Variants in RIPOR2 observed in about 807,000 individuals in gnomAD.
RIPOR2 encodes RHO family interacting cell polarization regulator 2, also known as rho family-interacting cell polarization regulator 2.
RIPOR2 carries 39 observed loss-of-function variants against 114.5 expected under a neutral mutation model. The observed-to-expected ratio is 0.34, with a 90% CI of 0.26 to 0.44. The LOEUF is 0.44. RIPOR2 is among the 20% of genes least tolerant of loss of function. The pLI, the probability that RIPOR2 is intolerant of heterozygous loss-of-function variation, is 1.00. For synonymous variants in RIPOR2, 445 were observed against 484.4 expected, an observed-to-expected ratio of 0.92 and a Z score of 1.07; for missense variants, 1,007 against 1,255.1, an observed-to-expected ratio of 0.80 and a Z score of 2.99.
At chr6:24,808,251 G>A (rs889603068) in intron 21 of RIPOR2, among the ~76,000 whole-genome samples, 1 of 152,146 alleles carries the variant, frequency 6.6e-6, no homozygotes, top group Admixed American at 6.6e-5. Context: ...GAGGCCCGGG[G>A]CACATTCTGT....
chr6:25,003,943 T>C (rs1012314709), intron 1 of RIPOR2, among the ~76,000 whole-genome samples: 1 of 152,222 alleles, frequency 6.6e-6, no homozygotes, highest in Non-Finnish European at 1.5e-5. Context: ...TCTTCTTTCA[T>C]TTGTCATGTC....
chr6:25,023,575 C>T, intron 1 of RIPOR2: 1 of 770,740 alleles, frequency 1.3e-6, no homozygotes. Context: ...TGATTTTGCA[C>T]ACCTCCCAGT....
chr6:24,977,356 G>A (rs377492850), intron 1 of RIPOR2, among the ~76,000 whole-genome samples: 2 of 151,676 alleles, frequency 1.3e-5, no homozygotes, highest in Non-Finnish European at 2.9e-5. Context: ...CTAAAAGGTC[G>A]ACAGGACTAT....
intron 13 of RIPOR2, chr6:24,840,297 T>G: frequency 9.6e-7 from 1 of 1,043,024 alleles, no homozygotes; most frequent in Non-Finnish European, 1.2e-6. Flanking sequence ...GCCTTGGGCA[T>G]GACAAGAAGC....
chr6:24,948,259 G>A (rs762706903), intron 1 of RIPOR2: 3 of 152,140 alleles, frequency 2.0e-5, no homozygotes, highest in East Asian at 1.9e-4. Context: ...GGAAAACTTC[G>A]ATTCCTGGAT....
chr6:24,895,544 G>T (rs964653062), intron 1 of RIPOR2, among the ~76,000 whole-genome samples: 2 of 152,100 alleles, frequency 1.3e-5, no homozygotes. Context: ...AGAAAAAAAA[G>T]GAGTCATTCA....
At chr6:25,005,490 T>C (rs995267781) in intron 1 of RIPOR2, among the ~76,000 whole-genome samples, 4 of 151,826 alleles carry the variant, frequency 2.6e-5, no homozygotes, top group Admixed American at 1.3e-4. Context: ...AAATAGCCGG[T>C]ATTTATAAGT....
intron 1 of RIPOR2, among the ~76,000 whole-genome samples, chr6:24,887,029 C>T (rs951221011): frequency 6.6e-6 from 1 of 152,150 alleles, no homozygotes; most frequent in Non-Finnish European, 1.5e-5. Flanking sequence ...TATGGACTCA[C>T]GGATTCTTGT....
chr6:24,886,263 A>G (rs758081157), intron 1 of RIPOR2, among the ~76,000 whole-genome samples: 5 of 152,304 alleles, frequency 3.3e-5, no homozygotes, highest in Admixed American at 6.5e-5. Context: ...AAATACTTCA[A>G]TGTGTATTTC....
chr6:24,868,997 A>G (rs997227360), intron 6 of RIPOR2, 97 bp downstream of exon 6: 14 of 636,088 alleles, frequency 2.2e-5, no homozygotes, highest in Non-Finnish European at 3.6e-5. Flanking sequence ...ATTGGATAGG[A>G]AGTTCTCCAC....
rs906228606 is a variant in RIPOR2 at position 24,883,536 on chromosome 6, T to C, written c.62-7719A>G. On this transcript the variant is annotated intron_variant, in intron 1 of 21. Coordinates refer to ENST00000643898, the MANE Select transcript of RIPOR2 (RefSeq NM_001286445.3). This position sits in a 1 kb window ranked among gnomAD's most constrained non-coding sequence, Gnocchi z 4.1. ...TGTTCTAAAAGCAAATCATGGATGA[T>C]GGTAGCACAAATGTATAAATTTACT... Among the ~76,000 whole-genome samples the C allele has an allele frequency of 1.3e-5, 2 of 152,210 alleles. No individual in the cohort carries two copies. The highest frequency in any genetic ancestry group is 4.8e-5 in the African/African-American group (2 of 41,456).
intron 20 of RIPOR2, among the ~76,000 whole-genome samples, chr6:24,811,228 C>CTT (rs59559836): frequency 6.4e-5 from 6 of 93,782 alleles, no homozygotes; most frequent in South Asian, 4.0e-4. Flanking sequence ...TTCTCTCATT[C>CTT]TTTTTTTTTT....
At chr6:24,884,365 T>C (rs1006231992) in intron 1 of RIPOR2, among the ~76,000 whole-genome samples, 5 of 152,100 alleles carry the variant, frequency 3.3e-5, no homozygotes, top group South Asian at 2.1e-4. Flanking sequence ...GCCGAGATCG[T>C]GCCACTGCAC....
chr6:24,912,259 AT>A (rs1421878365), intron 1 of RIPOR2, among the ~76,000 whole-genome samples: 1 of 152,180 alleles, frequency 6.6e-6, no homozygotes, highest in Non-Finnish European at 1.5e-5. Context: ...CCATAGCTAC[AT>A]ATTGAATGAA....
At chr6:24,970,190 G>A (rs573108651) in intron 1 of RIPOR2, among the ~76,000 whole-genome samples, 1 of 152,000 alleles carries the variant, frequency 6.6e-6, no homozygotes, top group East Asian at 1.9e-4. Context: ...GTCAGAGCAC[G>A]TGGGACCATG....
At chr6:24,846,713 T>G (rs1223705996) in intron 12 of RIPOR2, among the ~76,000 whole-genome samples, 1 of 152,188 alleles carries the variant, frequency 6.6e-6, no homozygotes, top group African/African-American at 2.4e-5. Flanking sequence ...GTTTTATACA[T>G]CTGTGAAGAG....
intron 9 of RIPOR2, among the ~76,000 whole-genome samples, chr6:24,851,749 G>GA (rs961386017): frequency 0.037 from 4,836 of 130,672 alleles, 98 homozygotes; most frequent in African/African-American, 0.072. Flanking sequence ...CTTGGATCAG[G>GA]AAAAAAAAAA....
chr6:25,001,631 A>C, intron 1 of RIPOR2, among the ~76,000 whole-genome samples: 1 of 150,106 alleles, frequency 6.7e-6, no homozygotes. Context: ...TCTCAAAAAA[A>C]AAAAAAAAAA....
intron 13 of RIPOR2, chr6:24,840,524 T>A: frequency 7.0e-7 from 1 of 1,421,242 alleles, no homozygotes; most frequent in South Asian, 1.5e-5. Context: ...CTGGGGTGGG[T>A]CGAATGGGAC....
Sources: gnomAD v4.1 joint callset for allele counts (sites outside exome capture counted in the v4.1 genomes callset) on GRCh38, gnomAD v4.1.1 for gene constraint, Gnocchi (gnomAD v3.1) non-coding constraint, MANE v1.5 for transcripts, NCBI Gene and HGNC (gene_info 2026-07-23, HGNC 2026-07-21) for gene names.